Variants in SLC10A7 observed in about 807,000 individuals in gnomAD.
SLC10A7 encodes sodium/bile acid cotransporter 7.
SLC10A7 carries 29 observed loss-of-function variants against 43.2 expected under a neutral mutation model. The observed-to-expected ratio is 0.67, with a 90% CI of 0.50 to 0.92. The LOEUF (loss-of-function observed/expected upper bound fraction) is 0.92. Among genes scored for constraint, SLC10A7 ranks in the 40% least tolerant of loss-of-function variants. The pLI, the probability that SLC10A7 is intolerant of heterozygous loss-of-function variation, is 0.00. For missense variants in SLC10A7, 295 were observed against 403.2 expected (o/e 0.73, Z 2.30); for synonymous variants, 152 against 144.8 (o/e 1.05, Z -0.35).
chr4:146,515,959 C>T (rs1337357370), intron 2 of SLC10A7, among the ~76,000 whole-genome samples: 15 of 149,562 alleles, frequency 1.0e-4, no homozygotes, highest in Middle Eastern at 3.5e-3. Flanking sequence ...TTATACCAAC[C>T]GATGGCTACA....
chr4:146,472,694 G>GA (rs906504649), intron 4 of SLC10A7, among the ~76,000 whole-genome samples: 1 of 152,142 alleles, frequency 6.6e-6, no homozygotes, highest in Non-Finnish European at 1.5e-5. Context: ...GTGGCAGCTA[G>GA]AGCTAGCTCA....
chr4:146,476,972 C>T (rs538621317), intron 4 of SLC10A7, among the ~76,000 whole-genome samples: 24 of 151,650 alleles, frequency 1.6e-4, no homozygotes, highest in Non-Finnish European at 4.4e-5. Context: ...ACAGTTGTTT[C>T]TCCAGTTCTT....
chr4:146,294,322 T>G (rs1403507509), intron 7 of SLC10A7, among the ~76,000 whole-genome samples: 4 of 152,228 alleles, frequency 2.6e-5, no homozygotes. Context: ...TATTTTCAAC[T>G]GCATTCAAAT....
chr4:146,270,718 C>A (rs1326283703), intron 10 of SLC10A7, among the ~76,000 whole-genome samples: 1 of 152,126 alleles, frequency 6.6e-6, no homozygotes, highest in African/African-American at 2.4e-5. Flanking sequence ...ACCAGCTCTG[C>A]TATCTATGTG....
At chr4:146,496,074 G>A (rs1311112303) in intron 4 of SLC10A7, among the ~76,000 whole-genome samples, 1 of 152,194 alleles carries the variant, frequency 6.6e-6, no homozygotes. Context: ...GTCCCACACA[G>A]CTGGGTGGAG....
At chr4:146,395,151 C>T (rs1207754765) in intron 5 of SLC10A7, among the ~76,000 whole-genome samples, 4 of 152,006 alleles carry the variant, frequency 2.6e-5, no homozygotes, top group African/African-American at 9.7e-5. Context: ...GGAGGACTGC[C>T]TGAGAACAGG....
At chr4:146,334,403 G>C (rs1454698996) in intron 5 of SLC10A7, among the ~76,000 whole-genome samples, 1 of 152,076 alleles carries the variant, frequency 6.6e-6, no homozygotes, top group Non-Finnish European at 1.5e-5. Flanking sequence ...AGTTAAATTG[G>C]AGTACATGGA....
chr4:146,508,758 C>G (rs1204111081), intron 3 of SLC10A7, among the ~76,000 whole-genome samples: 1 of 152,190 alleles, frequency 6.6e-6, no homozygotes. Flanking sequence ...ACTATCTCTT[C>G]TACACATAGC....
rs530906659 is a variant in SLC10A7, at chr4:146,453,023, A to ATG, written c.397-10204_397-10203dup. ...AGATATAGATTTATAGATATATACA[A>ATG]TGTGTGTGTGTGTATATATATATAT... is the stretch of plus-strand genomic sequence containing the variant. On this transcript the variant is annotated intron_variant, in intron 4 of 11. Coordinates refer to ENST00000335472, the MANE Select transcript of SLC10A7 (RefSeq NM_001029998.6). 9.0e-3 allele frequency among the ~76,000 whole-genome samples: 1,003 copies of ATG among 111,330 alleles called. 3 individuals are homozygous for ATG. Among genetic ancestry groups the ATG allele is most frequent in the Middle Eastern group, 0.044 (11 of 248 alleles). The allele number at this position is 111,330 out of a possible 152,430, so 73.0% of individuals were successfully genotyped here. A position where few individuals can be genotyped will look rare whatever the true frequency, so the allele number is the denominator to read the frequency against.
At chr4:146,509,230 C>T (rs1015086656) in intron 3 of SLC10A7, among the ~76,000 whole-genome samples, 1 of 152,174 alleles carries the variant, frequency 6.6e-6, no homozygotes, top group East Asian at 1.9e-4. Context: ...ACAGGCATTT[C>T]ACTGTTGTTT....
intron 4 of SLC10A7, among the ~76,000 whole-genome samples, chr4:146,447,869 G>T (rs1355424963): frequency 6.6e-6 from 1 of 150,568 alleles, no homozygotes; most frequent in African/African-American, 2.4e-5. Context: ...GTTCAATAAT[G>T]AATTAATTTC....
intron 5 of SLC10A7, among the ~76,000 whole-genome samples, chr4:146,359,425 G>GT (rs1560833207): frequency 1.3e-5 from 2 of 151,824 alleles, no homozygotes; most frequent in Admixed American, 1.3e-4. Flanking sequence ...ATATAGTTAC[G>GT]TTTTTGTGAC....
chr4:146,517,233 C>G (rs891343948), intron 1 of SLC10A7, 113 bp from the exon 2 acceptor site: 9 of 711,734 alleles, frequency 1.3e-5, no homozygotes, highest in South Asian at 6.3e-5. Flanking sequence ...GAGGCCGAGG[C>G]GAGTAGAGCA....
intron 4 of SLC10A7, among the ~76,000 whole-genome samples, chr4:146,453,471 C>T (rs1299319876): frequency 6.6e-6 from 1 of 151,900 alleles, no homozygotes; most frequent in Non-Finnish European, 1.5e-5. Flanking sequence ...CTTAAGGGGC[C>T]TATTAATCTC....
intron 5 of SLC10A7, among the ~76,000 whole-genome samples, chr4:146,383,376 C>T (rs1480812118): frequency 1.3e-5 from 2 of 152,116 alleles, no homozygotes; most frequent in Non-Finnish European, 2.9e-5. Flanking sequence ...TCAGCTATGA[C>T]AGGAAACATC....
chr4:146,379,450 G>A (rs1737443909), intron 5 of SLC10A7, among the ~76,000 whole-genome samples: 1 of 152,118 alleles, frequency 6.6e-6, no homozygotes, highest in Non-Finnish European at 1.5e-5. Context: ...AAAGTTACTG[G>A]TTATCTTAAT....
intron 6 of SLC10A7, among the ~76,000 whole-genome samples, chr4:146,322,395 G>T (rs1411391389): frequency 9.6e-6 from 1 of 103,964 alleles, no homozygotes; most frequent in Non-Finnish European, 1.8e-5. Context: ...ACAGGCCCCA[G>T]TGTGTGATGT....
At chr4:146,282,473 C>T (rs1182216945) in intron 10 of SLC10A7, among the ~76,000 whole-genome samples, 1 of 151,958 alleles carries the variant, frequency 6.6e-6, no homozygotes, top group South Asian at 2.1e-4. Flanking sequence ...CATAACATGC[C>T]CACCACCCCA....
At chr4:146,378,081 A>T (rs1737335376) in intron 5 of SLC10A7, among the ~76,000 whole-genome samples, 1 of 152,208 alleles carries the variant, frequency 6.6e-6, no homozygotes, top group African/African-American at 2.4e-5. Context: ...CAAAGGAAAG[A>T]GTATGCGTTT....
Sources: gnomAD v4.1 joint callset for allele counts (sites outside exome capture counted in the v4.1 genomes callset) on GRCh38, gnomAD v4.1.1 for gene constraint, MANE v1.5 for transcripts, NCBI Gene and HGNC (gene_info 2026-07-23, HGNC 2026-07-21) for gene names.